The following DCP2 variants were observed in gnomAD, a reference collection of about 807,000 sequenced individuals.
DCP2 encodes decapping mRNA 2.
Under a neutral mutation model 56.1 loss-of-function variants are expected in DCP2, and 30 were observed. That is an observed-to-expected ratio of 0.53 (90% CI 0.40 to 0.73). DCP2 has a LOEUF of 0.73. DCP2 is among the 30% of genes least tolerant of loss of function. The pLI, the probability that DCP2 is intolerant of heterozygous loss-of-function variation, is 0.00. For synonymous variants in DCP2, 197 were observed against 163.3 expected (o/e 1.21, Z -1.57); for missense variants, 533 against 502.7 (o/e 1.06, Z -0.58).
chr5:113,007,416 A>G (rs188456898), intron 8 of DCP2, among the ~76,000 whole-genome samples: 2 of 146,584 alleles, frequency 1.4e-5, no homozygotes, highest in Non-Finnish European at 3.0e-5. Context: ...TTTTTTTTTG[A>G]AAAAGAGATA....
intron 7 of DCP2, among the ~76,000 whole-genome samples, chr5:113,002,564 C>T (rs548994391): frequency 6.6e-6 from 1 of 152,188 alleles, no homozygotes; most frequent in African/African-American, 2.4e-5. Context: ...CTCTGTTGCC[C>T]AGGCTGGAGT....
At chr5:113,006,824 T>C (rs941131919) in intron 8 of DCP2, among the ~76,000 whole-genome samples, 5 of 152,178 alleles carry the variant, frequency 3.3e-5, no homozygotes, top group African/African-American at 9.7e-5. Context: ...TTAGGAATAA[T>C]GGCCCACATT....
chr5:113,013,620 A>G lies in DCP2; in HGVS notation c.*136A>G, dbSNP rs561739767. 2.0e-5 allele frequency: 21 copies of G among 1,061,660 alleles called. No homozygotes were observed. In the African/African-American group the frequency reaches 3.2e-4, roughly 16 times the overall value. The allele number at this position is 1,061,660 out of a possible 1,614,324, so 65.8% of individuals were successfully genotyped here. On this transcript the variant is annotated 3_prime_UTR_variant, in exon 11 of 11. Transcript: ENST00000389063. ...ATGTTTCTGAAGACATTTTCTGTTT[A>G]TAAGAGAGTAGAAAGAAACACGAGT... is the stretch of plus-strand genomic sequence containing the variant.
intron 2 of DCP2, among the ~76,000 whole-genome samples, chr5:112,991,829 CTG>C: frequency 6.6e-6 from 1 of 152,262 alleles, no homozygotes; most frequent in African/African-American, 2.4e-5. Flanking sequence ...GGATCCAGGA[CTG>C]TGAGTACTAA....
rs1749785174 is a variant in DCP2, at chr5:113,014,000, C to G, written c.*516C>G. The G allele has an allele frequency of 1.3e-5, 2 of 152,538 alleles. No individual in the cohort carries two copies. The highest frequency in any genetic ancestry group is 4.1e-4 in the South Asian group (2 of 4,836). The allele number at this position is 152,538 out of a possible 1,614,324, so 9.4% of individuals were successfully genotyped here. On this transcript the variant is annotated 3_prime_UTR_variant, in exon 11 of 11. Transcript: ENST00000389063. ...CTCTCTGCTTCTAACCACTGAGGCT[C>G]TCTAATCTTCCTCTGGAGTTTTAGT... is the stretch of plus-strand genomic sequence containing the variant.
At chr5:112,982,748 G>A (rs1318515682) in intron 1 of DCP2, among the ~76,000 whole-genome samples, 1 of 152,148 alleles carries the variant, frequency 6.6e-6, no homozygotes, top group Non-Finnish European at 1.5e-5. Flanking sequence ...TTTCTTTTAG[G>A]ATAATAATTC....
intron 7 of DCP2, among the ~76,000 whole-genome samples, chr5:113,002,365 G>T (rs941759317): frequency 5.3e-5 from 8 of 151,386 alleles, no homozygotes; most frequent in Non-Finnish European, 1.0e-4. Flanking sequence ...GGAGGTTTCA[G>T]TGGGCCAAGA....
intron 2 of DCP2, among the ~76,000 whole-genome samples, chr5:112,989,522 AT>A (rs1244891570): frequency 2.0e-5 from 3 of 152,136 alleles, no homozygotes; most frequent in Non-Finnish European, 4.4e-5. Context: ...AAGTTACTGT[AT>A]TTTAGACTAA....
rs901909654 is a variant in DCP2 at position 113,021,071 on chromosome 5, A to G, written c.*7587A>G. 1.3e-5 allele frequency: 2 copies of G among 152,164 alleles called. No individual in the cohort carries two copies. Among genetic ancestry groups the G allele is most frequent in the African/African-American group, 4.8e-5 (2 of 41,434 alleles). The allele number at this position is 152,164 out of a possible 1,614,324, so 9.4% of individuals were successfully genotyped here. ...AAATGGCAAGTATGAGATGAACATG[A>G]TAAAAGTATGTTTATATAACAGGAA... On this transcript the variant is annotated 3_prime_UTR_variant, in exon 11 of 11. Transcript: ENST00000389063.
At chr5:112,979,864 T>C (rs139323495) in intron 1 of DCP2, among the ~76,000 whole-genome samples, 199 of 152,304 alleles carry the variant, frequency 1.3e-3, no homozygotes, top group Middle Eastern at 3.4e-3. Context: ...ATTTAGTCCC[T>C]TGGTGCCTTT....
At chr5:113,007,396 C>A (rs936712958) in intron 8 of DCP2, among the ~76,000 whole-genome samples, 1 of 143,474 alleles carries the variant, frequency 7.0e-6, no homozygotes, top group Non-Finnish European at 1.5e-5. Flanking sequence ...TTCTTTCTTT[C>A]TTTCTTTTTT....
rs1397621955 is a variant in DCP2 at position 113,022,182 on chromosome 5, T to A, written c.*8698T>A. 6.6e-6 allele frequency: 1 copy of A among 152,336 alleles called. No homozygotes were observed. The highest frequency in any genetic ancestry group is 1.5e-5 in the Non-Finnish European group (1 of 67,990). The allele number at this position is 152,336 out of a possible 1,614,324, so 9.4% of individuals were successfully genotyped here. A position where few individuals can be genotyped will look rare whatever the true frequency, so the allele number is the denominator to read the frequency against. ...AATGTCTCTGTATAAATAAATGGAG[T>A]TTTTAAAAAACAATTCTATATCAAA... On this transcript the variant is annotated 3_prime_UTR_variant, in exon 11 of 11. Coordinates refer to ENST00000389063, the MANE Select transcript of DCP2 (RefSeq NM_152624.6).
At chr5:112,977,151 C>T (rs1385956113) in intron 1 of DCP2, among the ~76,000 whole-genome samples, 165 bp downstream of exon 1, 1 of 152,216 alleles carries the variant, frequency 6.6e-6, no homozygotes, top group Non-Finnish European at 1.5e-5. Flanking sequence ...GACACCGCCC[C>T]TCTTTCCGCC....
chr5:113,003,834 T>C lies in DCP2; in HGVS notation c.807-108T>C, dbSNP rs1398062481. 26 of 1,266,218 alleles carry C rather than the reference T, an allele frequency of 2.1e-5. 1 individual carries two copies. In the South Asian group the frequency reaches 3.2e-4, roughly 15 times the overall value. The allele number at this position is 1,266,218 out of a possible 1,614,324, so 78.4% of individuals were successfully genotyped here. On this transcript the variant is annotated intron_variant, in intron 7 of 10. Transcript: ENST00000389063. ...AGAACTTACATTCCAGTGGGGAAGA[T>C]AGACAGTAAATAAGAAAATATGTAG...
chr5:112,985,905 G>A lies in DCP2; in HGVS notation c.124G>A (p.Ala42Thr), dbSNP rs553370185. 1 of 1,610,690 alleles carries A rather than the reference G, an allele frequency of 6.2e-7. No individual in the cohort carries two copies. The highest frequency in any genetic ancestry group is 8.5e-7 in the Non-Finnish European group (1 of 1,177,276). ...AIRVCFQIEL[A>T]HWFYLDFYMQ... is the part of the protein sequence containing the mutation. ...CCGAGTGTGTTTTCAGATTGAACTT[G>A]CCCATTGGTTTTACTTGGATTTCTA... Residue 42 changes from alanine to threonine, a missense_variant, in exon 2 of 11, where the codon GCC becomes ACC. Transcript: ENST00000389063.
At chr5:112,989,436 A>C (rs1016697633) in intron 2 of DCP2, among the ~76,000 whole-genome samples, 1 of 152,152 alleles carries the variant, frequency 6.6e-6, no homozygotes, top group Non-Finnish European at 1.5e-5. Context: ...TCCAAAAAAA[A>C]AAAAAGATTT....
chr5:113,000,523 C>G (rs914714651), intron 4 of DCP2, among the ~76,000 whole-genome samples: 1 of 151,932 alleles, frequency 6.6e-6, no homozygotes, highest in East Asian at 1.9e-4. Flanking sequence ...AGTAAACCAG[C>G]CTTAATTGTT....
chr5:113,004,838 C>G (rs1749340808), intron 8 of DCP2, among the ~76,000 whole-genome samples: 1 of 149,116 alleles, frequency 6.7e-6, no homozygotes, highest in Admixed American at 6.7e-5. Context: ...TAAAAATATA[C>G]TGGGCTTGGC....
intron 8 of DCP2, among the ~76,000 whole-genome samples, chr5:113,007,137 A>T (rs998258608): frequency 2.0e-5 from 3 of 152,140 alleles, no homozygotes; most frequent in African/African-American, 4.8e-5. Flanking sequence ...TTTAAAAAAA[A>T]AATAATAGTA....
Sources: gnomAD v4.1 joint callset for allele counts (sites outside exome capture counted in the v4.1 genomes callset) on GRCh38, gnomAD v4.1.1 for gene constraint, MANE v1.5 for transcripts, NCBI Gene and HGNC (gene_info 2026-07-23, HGNC 2026-07-21) for gene names.